RASGRP3: variants seen among roughly 807,000 people sequenced by gnomAD.
The protein encoded by RASGRP3 is RAS guanyl releasing protein 3.
Under a neutral mutation model 82.7 loss-of-function variants are expected in RASGRP3, and 54 were observed. The ratio of observed to expected loss-of-function variants is 0.65; its 90% confidence interval spans 0.52 to 0.82. The LOEUF (loss-of-function observed/expected upper bound fraction) is 0.82, where lower values mean the gene tolerates loss of function less well. Ranked by LOEUF, RASGRP3 falls within the 40% of genes least tolerant of loss-of-function variation. The pLI is 0.00. For synonymous variants in RASGRP3, 309 were observed against 300.5 expected (o/e 1.03, Z -0.29); for missense variants, 861 against 828.9 (o/e 1.04, Z -0.48).
intron 2 of RASGRP3, among the ~76,000 whole-genome samples, chr2:33,451,980 T>A (rs954261209): frequency 6.6e-6 from 1 of 152,134 alleles, no homozygotes; most frequent in Non-Finnish European, 1.5e-5. Context: ...GCTCACTGAT[T>A]CTTTTTTCTG....
At chr2:33,492,208 GT>G (rs895347844) in intron 1 of RASGRP3, among the ~76,000 whole-genome samples, 9 of 152,198 alleles carry the variant, frequency 5.9e-5, no homozygotes, top group Non-Finnish European at 1.0e-4. Context: ...ATGACATCGA[GT>G]GGTAGAAACT....
chr2:33,514,672 GA>G (rs1214026384), intron 2 of RASGRP3, among the ~76,000 whole-genome samples: 1 of 151,932 alleles, frequency 6.6e-6, no homozygotes, highest in East Asian at 1.9e-4. Context: ...CAGCCTGGGT[GA>G]CAAAGTGAGA....
rs1671314173 is a variant in RASGRP3, at chr2:33,515,036, A to C, written c.-101A>C. On this transcript the variant is annotated 5_prime_UTR_variant, in exon 3 of 18. Coordinates refer to ENST00000403687, the MANE Select transcript of RASGRP3 (RefSeq NM_001139488.2). ...GTTTTCTTGAAGTACAACTAAGGACAGGTCACCACTAGGCACTAACATCGC... is the reference window on the plus strand; with the variant it reads ...GTTTTCTTGAAGTACAACTAAGGACCGGTCACCACTAGGCACTAACATCGC... 1 of 1,060,506 alleles carries C rather than the reference A, an allele frequency of 9.4e-7. No homozygotes were observed. Among genetic ancestry groups the C allele is most frequent in the Non-Finnish European group, 1.5e-6 (1 of 678,434 alleles). The allele number at this position is 1,060,506 out of a possible 1,614,324, so 65.7% of individuals were successfully genotyped here. A position where few individuals can be genotyped will look rare whatever the true frequency, so the allele number is the denominator to read the frequency against.
chr2:33,507,016 G>C (rs1347240940), intron 1 of RASGRP3, among the ~76,000 whole-genome samples: 1 of 152,066 alleles, frequency 6.6e-6, no homozygotes, highest in Non-Finnish European at 1.5e-5. Flanking sequence ...AAAATTCAAA[G>C]AACAGAATAG....
chr2:33,536,650 T>C (rs1482068324), intron 11 of RASGRP3, among the ~76,000 whole-genome samples: 4 of 152,248 alleles, frequency 2.6e-5, no homozygotes, highest in Non-Finnish European at 5.9e-5. Flanking sequence ...TGAAAGTCCC[T>C]TCTAAGTGCT....
At chr2:33,504,414 G>T (rs1182967994) in intron 1 of RASGRP3, among the ~76,000 whole-genome samples, 2 of 152,162 alleles carry the variant, frequency 1.3e-5, no homozygotes, top group Non-Finnish European at 2.9e-5. Flanking sequence ...ATGCTGTTGA[G>T]AATGGGCTCT....
chr2:33,465,119 A>G (rs766589616), intron 2 of RASGRP3, among the ~76,000 whole-genome samples: 5 of 152,236 alleles, frequency 3.3e-5, no homozygotes, highest in Non-Finnish European at 5.9e-5. Context: ...TGTGACTACA[A>G]AGGAAAAGTT....
intron 2 of RASGRP3, among the ~76,000 whole-genome samples, chr2:33,455,308 A>G (rs1271479063): frequency 2.9e-4 from 44 of 152,188 alleles, no homozygotes; most frequent in Admixed American, 2.9e-3. Flanking sequence ...ATTGAGGTGA[A>G]CTCATAGTAG....
intron 1 of RASGRP3, among the ~76,000 whole-genome samples, chr2:33,479,987 G>C (rs572835137): frequency 6.6e-6 from 1 of 151,666 alleles, no homozygotes; most frequent in Admixed American, 6.6e-5. Context: ...CTGCAAGGTC[G>C]TTCTGGCAAG....
chr2:33,488,398 A>AGC lies in RASGRP3; in HGVS notation c.-261+11691_-261+11692insGC, dbSNP rs1558435231. Among the ~76,000 whole-genome samples, 398 of 152,328 alleles carry AGC rather than the reference A, an allele frequency of 2.6e-3. 2 individuals are homozygous for AGC. Among genetic ancestry groups the AGC allele is most frequent in the African/African-American group, 9.1e-3 (378 of 41,580 alleles). On this transcript the variant is annotated intron_variant, in intron 1 of 17. Transcript: ENST00000403687. ...TAACAACTCTGAATAGTAATAATGG[A>AGC]ACACAGAAGATGCTTTATTAGTAAA...
chr2:33,445,615 TTATAATA>T (rs546372439), intron 1 of RASGRP3, among the ~76,000 whole-genome samples: 1 of 152,040 alleles, frequency 6.6e-6, no homozygotes, highest in Non-Finnish European at 1.5e-5. Flanking sequence ...TACAATGTAT[TTATAATA>T]TATTATTTAT....
At chr2:33,536,780 T>C (rs1485219651) in intron 11 of RASGRP3, among the ~76,000 whole-genome samples, 3 of 152,182 alleles carry the variant, frequency 2.0e-5, no homozygotes, top group Admixed American at 6.5e-5. Flanking sequence ...ATCCCTTCAC[T>C]GAGACTTGCG....
chr2:33,551,116 C>G (rs1675314675), intron 14 of RASGRP3, among the ~76,000 whole-genome samples: 1 of 152,112 alleles, frequency 6.6e-6, no homozygotes, highest in African/African-American at 2.4e-5. Context: ...AGTTTGAGAC[C>G]AACCTGGCCA....
At chr2:33,450,822 CTTTTTTTTTTTTTT>C (rs1170217165) in intron 2 of RASGRP3, among the ~76,000 whole-genome samples, 13 of 18,976 alleles carry the variant, frequency 6.9e-4, no homozygotes, top group East Asian at 4.7e-3. Context: ...TTCTTTCTTT[CTTTTTTTTTTTTTT>C]TTTTTTTTTT....
chr2:33,487,574 CATT>C (rs1189031609), intron 1 of RASGRP3, among the ~76,000 whole-genome samples: 1 of 152,172 alleles, frequency 6.6e-6, no homozygotes, highest in African/African-American at 2.4e-5. Flanking sequence ...CCTGGTTCAG[CATT>C]ATACAGAGAC....
At chr2:33,530,679 C>A (rs957699301) in intron 10 of RASGRP3, among the ~76,000 whole-genome samples, 1 of 152,128 alleles carries the variant, frequency 6.6e-6, no homozygotes, top group Non-Finnish European at 1.5e-5. Context: ...TAATACTGCT[C>A]TCTCCTCCTC....
upstream of RASGRP3, among the ~76,000 whole-genome samples, chr2:33,472,295 C>T (rs1001018910): frequency 7.2e-5 from 11 of 152,134 alleles, no homozygotes; most frequent in Non-Finnish European, 1.2e-4. Flanking sequence ...GAAAGAAATG[C>T]AACCGCAGCG....
At chr2:33,496,876 C>T (rs925714229) in intron 1 of RASGRP3, among the ~76,000 whole-genome samples, 1 of 151,934 alleles carries the variant, frequency 6.6e-6, no homozygotes, top group African/African-American at 2.4e-5. Context: ...ACAAAACAAA[C>T]CAACAAAAAA....
At chr2:33,560,047 T>C (rs112279587) in intron 17 of RASGRP3, among the ~76,000 whole-genome samples, 81 of 152,332 alleles carry the variant, frequency 5.3e-4, no homozygotes, top group African/African-American at 1.8e-3. Context: ...CATCCACTTT[T>C]AAAAACAGCT....
Sources: allele counts gnomAD v4.1 joint callset (sites outside exome capture counted in the v4.1 genomes callset), GRCh38; gene constraint gnomAD v4.1.1; transcripts MANE v1.5; gene names NCBI Gene and HGNC (gene_info 2026-07-23, HGNC 2026-07-21).